The following SLC2A12 variants were observed in gnomAD, a reference collection of about 807,000 sequenced individuals.
The protein encoded by SLC2A12 is solute carrier family 2 member 12.
In SLC2A12, 23 loss-of-function variants were observed where a neutral mutation model predicts 41.8. The observed-to-expected ratio is 0.55, with a 90% CI of 0.40 to 0.78. SLC2A12 has a LOEUF of 0.78. SLC2A12 is among the 30% of genes least tolerant of loss of function. The pLI, the probability that SLC2A12 is intolerant of heterozygous loss-of-function variation, is 0.00. For missense variants in SLC2A12, 654 were observed against 745.6 expected (o/e 0.88, Z 1.43); for synonymous variants, 295 against 285.9 (o/e 1.03, Z -0.32).
At chr6:134,001,071 G>T (rs184294770) in intron 4 of SLC2A12, among the ~76,000 whole-genome samples, 21 of 151,956 alleles carry the variant, frequency 1.4e-4, no homozygotes, top group East Asian at 1.4e-3. Flanking sequence ...AAACCTGTTG[G>T]GGGGAGCTAG....
chr6:134,012,411 C>T (rs1447815142), intron 2 of SLC2A12, among the ~76,000 whole-genome samples: 1 of 152,102 alleles, frequency 6.6e-6, no homozygotes, highest in Non-Finnish European at 1.5e-5. Context: ...TGAGCAGGCA[C>T]CAATTGGGGA....
intron 4 of SLC2A12, among the ~76,000 whole-genome samples, chr6:133,998,163 C>A (rs1227028429): frequency 6.6e-6 from 1 of 152,166 alleles, no homozygotes; most frequent in African/African-American, 2.4e-5. Flanking sequence ...ATAATTTAGA[C>A]AGATTCTTTC....
At chr6:134,018,217 A>G (rs1337271268) in intron 2 of SLC2A12, among the ~76,000 whole-genome samples, 1 of 152,176 alleles carries the variant, frequency 6.6e-6, no homozygotes, top group Admixed American at 6.5e-5. Context: ...CCACAGCCAG[A>G]CATTTAATAA....
Position 134,028,871 on chromosome 6 carries a change from G to A in SLC2A12, c.954C>T (p.Leu318=), listed in dbSNP as rs763540427. The change falls in exon 2 of 5, where the codon CTC becomes CTT. Residue 318 remains leucine (L), a synonymous_variant. Transcript: ENST00000275230. The part of the protein sequence containing the change: ...VGFQSNEAAS[L]ASTGVGVVKV... Reference sequence around the variant, plus strand: ...TGACGACTCCAACCCCAGTGGAGGCGAGGCTAGCTGCCTCATTGCTTTGAA... The same window carrying A: ...TGACGACTCCAACCCCAGTGGAGGCAAGGCTAGCTGCCTCATTGCTTTGAA... The A allele has an allele frequency of 1.4e-5, 23 of 1,614,092 alleles. No individual in the cohort carries two copies. In the Admixed American group the frequency reaches 1.8e-4, roughly 13 times the overall value.
At chr6:134,029,949 A>C (rs1280710759) in intron 1 of SLC2A12, among the ~76,000 whole-genome samples, 1 of 152,176 alleles carries the variant, frequency 6.6e-6, no homozygotes, top group Non-Finnish European at 1.5e-5. Flanking sequence ...TAGGAAGTCC[A>C]GTTTCCTTCT....
At chr6:134,004,553 G>T (rs896468178) in intron 3 of SLC2A12, among the ~76,000 whole-genome samples, 1 of 151,946 alleles carries the variant, frequency 6.6e-6, no homozygotes, top group Non-Finnish European at 1.5e-5. Flanking sequence ...ATGAAATGAA[G>T]AAATTAGGTT....
chr6:134,003,697 A>G (rs1194728592), intron 3 of SLC2A12, among the ~76,000 whole-genome samples: 1 of 152,172 alleles, frequency 6.6e-6, no homozygotes, highest in Non-Finnish European at 1.5e-5. Flanking sequence ...CCCACAGCAT[A>G]GGTTACTGCC....
chr6:134,023,139 G>A (rs569580246), intron 2 of SLC2A12, among the ~76,000 whole-genome samples: 2 of 152,082 alleles, frequency 1.3e-5, no homozygotes, highest in African/African-American at 4.8e-5. Flanking sequence ...CCGCTATTCC[G>A]TATTAAACTC....
intron 4 of SLC2A12, among the ~76,000 whole-genome samples, chr6:133,997,505 C>T (rs777025593): frequency 1.2e-4 from 18 of 152,082 alleles, no homozygotes; most frequent in Admixed American, 7.9e-4. Flanking sequence ...TGTAGCAATA[C>T]GGATGGAGCT....
At position 134,029,523 on chromosome 6, in the gene SLC2A12, A is replaced by G. The variant is rs1777167834; in HGVS notation, c.302T>C (p.Ile101Thr). ...LLASLTGGVL[I>T]DRYGRRTAII... ...TGCTGTCCTTCTTCCATATCTGTCTATCAGGACCCCTCCGGTGAGTGAGGC... is the reference window on the plus strand; with the variant it reads ...TGCTGTCCTTCTTCCATATCTGTCTGTCAGGACCCCTCCGGTGAGTGAGGC... The change falls in exon 2 of 5, where the codon ATA becomes ACA. Residue 101 changes from isoleucine (I) to threonine (T), a missense_variant. Coordinates refer to ENST00000275230, the MANE Select transcript of SLC2A12 (RefSeq NM_145176.3). The G allele has an allele frequency of 1.2e-6, 2 of 1,614,180 alleles. No homozygotes were observed. Among genetic ancestry groups the G allele is most frequent in the Non-Finnish European group, 1.7e-6 (2 of 1,180,028 alleles).
chr6:134,007,258 GCAA>G (rs1776826938), intron 2 of SLC2A12, among the ~76,000 whole-genome samples: 1 of 152,258 alleles, frequency 6.6e-6, no homozygotes, highest in Admixed American at 6.5e-5. Flanking sequence ...CTGCCTGGCA[GCAA>G]CAAGAGAGCC....
chr6:134,048,756 T>C (rs1281401262), intron 1 of SLC2A12, among the ~76,000 whole-genome samples: 1 of 152,174 alleles, frequency 6.6e-6, no homozygotes, highest in East Asian at 1.9e-4. Context: ...AAAATGGGAA[T>C]GGCCCAGCAT....
intron 1 of SLC2A12, among the ~76,000 whole-genome samples, chr6:134,043,446 G>C (rs1777411576): frequency 6.6e-6 from 1 of 152,130 alleles, no homozygotes; most frequent in Non-Finnish European, 1.5e-5. Context: ...ACATGTAAAT[G>C]AGGATTTCTA....
rs140756319 is a variant in SLC2A12 at position 134,008,713 on chromosome 6, C to T, written c.1445-1779G>A. Among the ~76,000 whole-genome samples the T allele has an allele frequency of 1.2e-4, 18 of 152,322 alleles. No homozygotes were observed. In the East Asian group the frequency reaches 3.1e-3, roughly 26 times the overall value. On this transcript the variant is annotated intron_variant, in intron 2 of 4. Coordinates refer to ENST00000275230, the MANE Select transcript of SLC2A12 (RefSeq NM_145176.3). ...AGCCTTTGTAATGAAGACCTGTCCTCGGACAAATGCAAGATAAAATTATAT... is the reference window on the plus strand; with the variant it reads ...AGCCTTTGTAATGAAGACCTGTCCTTGGACAAATGCAAGATAAAATTATAT...
intron 1 of SLC2A12, among the ~76,000 whole-genome samples, chr6:134,047,733 G>A (rs1777478826): frequency 6.6e-6 from 1 of 152,226 alleles, no homozygotes; most frequent in Non-Finnish European, 1.5e-5. Flanking sequence ...AGAGAGAACG[G>A]TGATGTTGAG....
At chr6:134,049,548 A>G (rs985150594) in intron 1 of SLC2A12, among the ~76,000 whole-genome samples, 1 of 152,202 alleles carries the variant, frequency 6.6e-6, no homozygotes, top group Non-Finnish European at 1.5e-5. Context: ...CCATCCGTCT[A>G]ATATCTCACT....
chr6:134,032,422 ATATTTATATATATATATATATATAT>A (rs1562201564), intron 1 of SLC2A12, among the ~76,000 whole-genome samples: 6 of 36,486 alleles, frequency 1.6e-4, no homozygotes, highest in Admixed American at 3.1e-4. Flanking sequence ...ATATATATAT[ATATTTATATATATATATATATATAT>A]AAATATATAT....
rs764840436 is a variant in SLC2A12, at chr6:133,991,279, A to G, written c.1730T>C (p.Met577Thr). The G allele has an allele frequency of 1.9e-6, 3 of 1,613,798 alleles. No homozygotes were observed. Among genetic ancestry groups the G allele is most frequent in the Non-Finnish European group, 1.7e-6 (2 of 1,179,882 alleles). ...CACTAATTCTTCTTGGTGATGACTCATAAAACAAATGTTGTTTTTCACATA... is the reference window on the plus strand; with the variant it reads ...CACTAATTCTTCTTGGTGATGACTCGTAAAACAAATGTTGTTTTTCACATA... ...VNYVKNNICF[M>T]SHHQEELVPK... The change falls in exon 5 of 5, where the codon ATG becomes ACG. Residue 577 changes from methionine (M) to threonine (T), a missense_variant. Coordinates refer to ENST00000275230, the MANE Select transcript of SLC2A12 (RefSeq NM_145176.3).
intron 1 of SLC2A12, among the ~76,000 whole-genome samples, chr6:134,043,561 G>T (rs140816286): frequency 1.3e-5 from 2 of 151,960 alleles, no homozygotes; most frequent in Admixed American, 6.6e-5. Context: ...TTGGGAGGCC[G>T]AGATGGGCGG....
Sources: gnomAD v4.1 joint callset for allele counts (sites outside exome capture counted in the v4.1 genomes callset) on GRCh38, gnomAD v4.1.1 for gene constraint, MANE v1.5 for transcripts, NCBI Gene and HGNC (gene_info 2026-07-23, HGNC 2026-07-21) for gene names.